SERPINE2: variants seen among roughly 807,000 people sequenced by gnomAD.
SERPINE2 encodes the protein serpin family E member 2.
A neutral mutation model predicts 36.3 loss-of-function variants in SERPINE2; 14 were observed. The observed-to-expected ratio is 0.39, with a 90% CI of 0.25 to 0.60. The LOEUF (loss-of-function observed/expected upper bound fraction) is 0.60. Ranked by LOEUF, SERPINE2 falls within the 20% of genes least tolerant of loss-of-function variation. SERPINE2 has a pLI of 0.57. For synonymous variants in SERPINE2, 192 were observed against 191.8 expected, an observed-to-expected ratio of 1.00 and a Z score of -0.01; for missense variants, 418 against 499.6, an observed-to-expected ratio of 0.84 and a Z score of 1.56.
At chr2:224,034,606 A>G (rs1692476060) in intron 1 of SERPINE2, among the ~76,000 whole-genome samples, 1 of 152,134 alleles carries the variant, frequency 6.6e-6, no homozygotes, top group Admixed American at 6.5e-5. Context: ...GTTCTGGGTC[A>G]AGACTCTGCC....
chr2:224,039,269 C>T lies in SERPINE2; in HGVS notation c.-193G>A, dbSNP rs961576437. Reference sequence around the variant, plus strand: ...TGGCGCCTGCAGACGCCGCGCAGCCCGGGCAGCCCCACAGCGCAAGCTGGC... The same window carrying T: ...TGGCGCCTGCAGACGCCGCGCAGCCTGGGCAGCCCCACAGCGCAAGCTGGC... On this transcript the variant is annotated 5_prime_UTR_variant, in exon 1 of 9. Coordinates refer to ENST00000409304, the MANE Select transcript of SERPINE2 (RefSeq NM_001136528.2). The surrounding 1 kb of genome is among the most constrained non-coding windows in gnomAD (Gnocchi z 5.2). 3.5e-4 allele frequency: 53 copies of T among 150,470 alleles called. No individual in the cohort carries two copies. The highest frequency in any genetic ancestry group is 1.2e-3 in the African/African-American group (49 of 41,276). 9.3% of individuals were successfully genotyped at this position (150,470 alleles called of 1,614,324 possible). A position where few individuals can be genotyped will look rare whatever the true frequency, so the allele number is the denominator to read the frequency against.
chr2:223,998,265 C>A lies in SERPINE2; in HGVS notation c.337G>T (p.Ala113Ser). Residue 113 changes from alanine (A) to serine (S), a missense_variant, in exon 3 of 9, where the codon GCC becomes TCC. By Grantham distance (99) the Ala-to-Ser change is moderately conservative. Coordinates refer to ENST00000409304, the MANE Select transcript of SERPINE2 (RefSeq NM_001136528.2). The part of the protein sequence containing the change: ...KNKDIVTVAN[A>S]VFVKNASEIE... ...TCAGAGGCATTCTTAACAAACACGGCGTTAGCCACTGTCACAATGTCTTTA... is the reference window on the plus strand; with the variant it reads ...TCAGAGGCATTCTTAACAAACACGGAGTTAGCCACTGTCACAATGTCTTTA... 6.2e-7 allele frequency: 1 copy of A among 1,614,158 alleles called. No homozygotes were observed. Among genetic ancestry groups the A allele is most frequent in the Non-Finnish European group, 8.5e-7 (1 of 1,180,004 alleles).
chr2:224,024,225 T>C (rs895991457), intron 1 of SERPINE2, among the ~76,000 whole-genome samples: 3 of 152,208 alleles, frequency 2.0e-5, no homozygotes, highest in African/African-American at 7.2e-5. Flanking sequence ...CGCCTTTTGC[T>C]TTCTTCCTTC....
intron 1 of SERPINE2, among the ~76,000 whole-genome samples, chr2:224,019,771 A>ATTTTTT (rs1182167581): frequency 0.05 from 705 of 14,222 alleles, 10 homozygotes; most frequent in African/African-American, 0.088. Context: ...TTTTTAAAAA[A>ATTTTTT]AAAAAAAGAA....
intron 6 of SERPINE2, 114 bp from the exon 7 acceptor site, chr2:223,980,511 CAG>C (rs1690191838): frequency 1.2e-6 from 1 of 829,634 alleles, no homozygotes; most frequent in African/African-American, 1.7e-5. Flanking sequence ...TTTAAAGTGT[CAG>C]AAGACATGAC....
intron 3 of SERPINE2, among the ~76,000 whole-genome samples, chr2:223,996,388 T>C (rs1690889519): frequency 6.6e-6 from 1 of 152,094 alleles, no homozygotes. Flanking sequence ...CCCGATGGTT[T>C]ATGGTTTTAG....
At chr2:224,010,550 T>C (rs1387026366) in intron 1 of SERPINE2, among the ~76,000 whole-genome samples, 2 of 152,136 alleles carry the variant, frequency 1.3e-5, no homozygotes, top group African/African-American at 2.4e-5. Flanking sequence ...AAATTCAAGA[T>C]TACAGGATAT....
intron 4 of SERPINE2, among the ~76,000 whole-genome samples, chr2:223,989,853 T>A (rs1317914410): frequency 6.6e-6 from 1 of 152,126 alleles, no homozygotes; most frequent in East Asian, 1.9e-4. Flanking sequence ...AGATAAGACA[T>A]CAAATTGGGC....
At chr2:224,003,972 A>G (rs942509660) in intron 1 of SERPINE2, among the ~76,000 whole-genome samples, 28 of 152,138 alleles carry the variant, frequency 1.8e-4, no homozygotes, top group African/African-American at 6.5e-4. Flanking sequence ...GTTAGGCAAA[A>G]CTGGCCCCGT....
chr2:224,025,376 C>G (rs751323167), intron 1 of SERPINE2, among the ~76,000 whole-genome samples: 1 of 152,174 alleles, frequency 6.6e-6, no homozygotes, highest in African/African-American at 2.4e-5. Context: ...GAGTGAGGCT[C>G]CCCTCCTCCA....
chr2:224,005,074 T>TATATA (rs1691360912), intron 1 of SERPINE2, among the ~76,000 whole-genome samples: 1 of 66,448 alleles, frequency 1.5e-5, no homozygotes, highest in Non-Finnish European at 3.9e-5. Flanking sequence ...ATTATATATA[T>TATATA]ATATATATAT....
intron 4 of SERPINE2, among the ~76,000 whole-genome samples, chr2:223,991,375 C>A (rs2106149804): frequency 6.6e-6 from 1 of 152,292 alleles, no homozygotes; most frequent in East Asian, 1.9e-4. Context: ...ACCAAAGCCA[C>A]CGAAGGATTT....
intron 1 of SERPINE2, among the ~76,000 whole-genome samples, chr2:224,034,865 A>G (rs1692483644): frequency 6.6e-6 from 1 of 152,194 alleles, no homozygotes; most frequent in Admixed American, 6.5e-5. Context: ...TGTCATCAAC[A>G]CTAGAACTCT....
At chr2:223,983,795 T>C (rs1159311989) in intron 5 of SERPINE2, among the ~76,000 whole-genome samples, 1 of 150,796 alleles carries the variant, frequency 6.6e-6, no homozygotes, top group Admixed American at 6.6e-5. Context: ...CAGAGGATGC[T>C]TTATCAGATT....
In SERPINE2 at chr2:223,991,793, A is replaced by G; in HGVS notation, c.685+10T>C. The stretch of plus-strand genomic sequence containing the variant: ...CATCCTAGAACAGGCTTCGCTGAGC[A>G]TGAACTCACCACACCGGAACACGGA... On this transcript the variant is annotated intron_variant, in intron 4 of 8. Transcript: ENST00000409304. 1.9e-6 allele frequency: 3 copies of G among 1,613,394 alleles called. No homozygotes were observed. Among genetic ancestry groups the G allele is most frequent in the Non-Finnish European group, 2.5e-6 (3 of 1,179,890 alleles).
chr2:223,980,513 G>C lies in SERPINE2; in HGVS notation c.986-116C>G, dbSNP rs2106133142. ...GCAAATTCCAATTTTTAAAGTGTCA[G>C]AAGACATGACCTCTGACAGTCCTGG... On this transcript the variant is annotated intron_variant, in intron 6 of 8. Transcript: ENST00000409304. 1.2e-5 allele frequency: 10 copies of C among 813,676 alleles called. No individual in the cohort carries two copies. The South Asian group carries it at 1.5e-4, about 12-fold the overall frequency. The allele number at this position is 813,676 out of a possible 1,614,324, so 50.4% of individuals were successfully genotyped here.
At chr2:223,991,772 C>T in intron 4 of SERPINE2, 31 bp downstream of exon 4, 2 of 1,611,342 alleles carry the variant, frequency 1.2e-6, no homozygotes, top group Non-Finnish European at 1.7e-6. Flanking sequence ...CCAGCACATC[C>T]TAGAACAGGC....
intron 1 of SERPINE2, among the ~76,000 whole-genome samples, chr2:224,025,455 G>T (rs13396801): frequency 2.8e-4 from 42 of 152,306 alleles, no homozygotes; most frequent in African/African-American, 9.1e-4. Context: ...GCATCCCCCA[G>T]ATAAGACAGC....
chr2:223,981,317 C>G (rs1275434949), intron 6 of SERPINE2: 1 of 152,186 alleles, frequency 6.6e-6, no homozygotes, highest in South Asian at 2.1e-4. Context: ...AGTATTTCAG[C>G]TACCATGAAC....
Sources: gnomAD v4.1 joint callset for allele counts (sites outside exome capture counted in the v4.1 genomes callset) on GRCh38, gnomAD v4.1.1 for gene constraint, Gnocchi (gnomAD v3.1) non-coding constraint, MANE v1.5 for transcripts, NCBI Gene and HGNC (gene_info 2026-07-23, HGNC 2026-07-21) for gene names.